Variants in TYW1 observed in about 807,000 individuals in gnomAD.
TYW1 encodes tRNA-yW synthesizing protein 1 homolog, also known as S-adenosyl-L-methionine-dependent tRNA 4-demethylwyosine synthase TYW1.
Under a neutral mutation model 96.2 loss-of-function variants are expected in TYW1, and 46 were observed. The ratio of observed to expected loss-of-function variants is 0.48; its 90% CI spans 0.38 to 0.61. The LOEUF is 0.61. TYW1 is among the 20% of genes least tolerant of loss of function. The pLI is 0.00. For missense variants in TYW1, 684 were observed against 909.6 expected (o/e 0.75, Z 3.19); for synonymous variants, 274 against 323.0 (o/e 0.85, Z 1.63).
At chr7:67,094,081 A>C (rs1267919047) in intron 11 of TYW1, among the ~76,000 whole-genome samples, 2 of 152,066 alleles carry the variant, frequency 1.3e-5, no homozygotes, top group Non-Finnish European at 2.9e-5. Context: ...TCCCACTTAA[A>C]AGTGAGAACG....
At chr7:67,219,826 C>A (rs1801322565) in intron 15 of TYW1, among the ~76,000 whole-genome samples, 1 of 147,156 alleles carries the variant, frequency 6.8e-6, no homozygotes. Flanking sequence ...TTTAAAAGAA[C>A]CAGCTTTGGG....
At chr7:67,166,814 C>T (rs1799347492) in intron 13 of TYW1, among the ~76,000 whole-genome samples, 1 of 151,970 alleles carries the variant, frequency 6.6e-6, no homozygotes. Context: ...TGAATAATTG[C>T]ACTAATAACT....
chr7:67,065,658 A>T (rs1795832412), intron 9 of TYW1, among the ~76,000 whole-genome samples: 2 of 151,784 alleles, frequency 1.3e-5, no homozygotes, highest in African/African-American at 4.8e-5. Context: ...TTTTTTAATT[A>T]AAACAAAAAA....
chr7:67,034,505 G>A (rs1794772197), intron 7 of TYW1, among the ~76,000 whole-genome samples: 1 of 152,072 alleles, frequency 6.6e-6, no homozygotes, highest in African/African-American at 2.4e-5. Context: ...AGTAACCACA[G>A]TTTTCAGTTT....
chr7:67,207,641 G>C (rs1412636199), intron 15 of TYW1, among the ~76,000 whole-genome samples: 1 of 143,008 alleles, frequency 7.0e-6, no homozygotes, highest in Non-Finnish European at 1.5e-5. Flanking sequence ...AAATTCCCCA[G>C]TTGTGACATT....
intron 7 of TYW1, among the ~76,000 whole-genome samples, chr7:67,031,061 C>T (rs1314095922): frequency 1.4e-4 from 19 of 134,570 alleles, no homozygotes; most frequent in South Asian, 5.0e-4. Flanking sequence ...GGCGTGGTGG[C>T]GCATACCTGT....
At chr7:67,174,269 G>A (rs891774690) in intron 13 of TYW1, among the ~76,000 whole-genome samples, 10 of 152,152 alleles carry the variant, frequency 6.6e-5, no homozygotes, top group African/African-American at 2.2e-4. Context: ...GGCAATACAG[G>A]AAAACATAAA....
intron 3 of TYW1, among the ~76,000 whole-genome samples, chr7:67,008,387 T>G (rs1793675276): frequency 6.6e-6 from 1 of 152,218 alleles, no homozygotes. Flanking sequence ...TAGTGTTCCC[T>G]GTTGGGGCTG....
intron 13 of TYW1, among the ~76,000 whole-genome samples, chr7:67,171,929 A>C (rs1799526483): frequency 6.6e-6 from 1 of 152,084 alleles, no homozygotes; most frequent in Non-Finnish European, 1.5e-5. Context: ...TTTACCCAAA[A>C]ATTTTCTCTC....
In TYW1 at chr7:67,138,651, A is replaced by G. The variant is rs139364857; in HGVS notation, c.1698+21033A>G. 6.4e-3 allele frequency among the ~76,000 whole-genome samples: 974 copies of G among 152,084 alleles called. 5 individuals are homozygous for G. Among genetic ancestry groups the G allele is most frequent in the African/African-American group, 0.022 (912 of 41,452 alleles). On this transcript the variant is annotated intron_variant, in intron 13 of 15. Transcript: ENST00000359626. ...CCACTACCCTTCCCAGCCTCTGGTA[A>G]CCATCCTTCTACTGTCTGTCTCCAT...
At chr7:67,164,702 C>G (rs1247792758) in intron 13 of TYW1, among the ~76,000 whole-genome samples, 1 of 152,016 alleles carries the variant, frequency 6.6e-6, no homozygotes. Flanking sequence ...AAGTCTCCCT[C>G]TCTTTCTGAG....
intron 15 of TYW1, among the ~76,000 whole-genome samples, chr7:67,206,820 G>A (rs4718480): frequency 0.041 from 6,178 of 151,992 alleles, 181 homozygotes; most frequent in Middle Eastern, 0.092. Context: ...TGTTTATGCC[G>A]CTAATTCCAA....
chr7:67,144,653 T>C (rs1385904589), intron 13 of TYW1, among the ~76,000 whole-genome samples: 2 of 152,134 alleles, frequency 1.3e-5, no homozygotes, highest in Non-Finnish European at 2.9e-5. Flanking sequence ...GTATTTTTTA[T>C]AGAGACAGGG....
chr7:67,118,722 C>T (rs1431073912), intron 13 of TYW1, among the ~76,000 whole-genome samples: 3 of 151,410 alleles, frequency 2.0e-5, no homozygotes, highest in African/African-American at 7.3e-5. Context: ...GGCAAAACCC[C>T]GTCTCTACCA....
intron 15 of TYW1, among the ~76,000 whole-genome samples, chr7:67,204,543 C>T (rs112518446): frequency 0.017 from 2,265 of 132,722 alleles, 53 homozygotes; most frequent in African/African-American, 0.062. Context: ...CTTCCTCTTC[C>T]TCTTCTTCTT....
intron 4 of TYW1, among the ~76,000 whole-genome samples, chr7:67,010,406 C>T (rs1299716878): frequency 6.6e-6 from 1 of 151,920 alleles, no homozygotes. Context: ...CTCAAGTGAT[C>T]CTCCTTCCTC....
chr7:67,000,432 G>A (rs933141568), intron 3 of TYW1, among the ~76,000 whole-genome samples: 2 of 151,976 alleles, frequency 1.3e-5, no homozygotes, highest in African/African-American at 4.8e-5. Context: ...CCTAGTAGCT[G>A]GGATTACAGG....
intron 7 of TYW1, among the ~76,000 whole-genome samples, chr7:67,040,327 A>G (rs1794977843): frequency 6.6e-6 from 1 of 152,014 alleles, no homozygotes; most frequent in African/African-American, 2.4e-5. Flanking sequence ...CTGCTCTTAT[A>G]ATTAACACTG....
chr7:67,093,418 G>A (rs1369446259), intron 11 of TYW1, among the ~76,000 whole-genome samples: 1 of 152,182 alleles, frequency 6.6e-6, no homozygotes, highest in Non-Finnish European at 1.5e-5. Flanking sequence ...TGGAGCTAGA[G>A]TGTGAACCCG....
Sources: gnomAD v4.1 joint callset for allele counts (sites outside exome capture counted in the v4.1 genomes callset) on GRCh38, gnomAD v4.1.1 for gene constraint, MANE v1.5 for transcripts, NCBI Gene and HGNC (gene_info 2026-07-23, HGNC 2026-07-21) for gene names.